LMNB1: variants seen among roughly 807,000 people sequenced by gnomAD.
LMNB1 encodes the protein lamin-B1.
LMNB1 carries 23 observed loss-of-function variants against 67.1 expected under a neutral mutation model. The ratio of observed to expected loss-of-function variants is 0.34; its 90% CI spans 0.25 to 0.49. The LOEUF (loss-of-function observed/expected upper bound fraction) is 0.49. Among genes scored for constraint, LMNB1 ranks in the 20% least tolerant of loss-of-function variants. The probability of loss-of-function intolerance (pLI) is 0.99; values close to 1 mark genes in which losing one functional copy is unlikely to be tolerated. For missense variants in LMNB1, 634 were observed against 746.5 expected (o/e 0.85, Z 1.76); for synonymous variants, 281 against 282.9 (o/e 0.99, Z 0.07).
chr5:126,786,343 G>A (rs1014765265), intron 1 of LMNB1, among the ~76,000 whole-genome samples: 3 of 151,912 alleles, frequency 2.0e-5, no homozygotes, highest in African/African-American at 7.3e-5. Context: ...GGATGGTCTC[G>A]ATCTCCTGAC....
chr5:126,833,304 G>A (rs148583419), intron 10 of LMNB1, among the ~76,000 whole-genome samples: 6 of 149,490 alleles, frequency 4.0e-5, no homozygotes, highest in Non-Finnish European at 7.5e-5. Context: ...TTGAAATAAA[G>A]AAACTCCAAA....
At chr5:126,783,207 AAAAC>A (rs960243115) in intron 1 of LMNB1, among the ~76,000 whole-genome samples, 9 of 151,958 alleles carry the variant, frequency 5.9e-5, no homozygotes, top group African/African-American at 1.7e-4. Context: ...CTCAAAAACA[AAAAC>A]AAACAAACAA....
chr5:126,816,977 G>T (rs1751725723), intron 5 of LMNB1, among the ~76,000 whole-genome samples: 1 of 152,162 alleles, frequency 6.6e-6, no homozygotes, highest in East Asian at 1.9e-4. Context: ...TACCCTCAAG[G>T]GTGAAGGACA....
In LMNB1 at chr5:126,777,432, C is replaced by CGCTTCGCCCCCT; in HGVS notation, c.-74_-63dup. The CGCTTCGCCCCCT allele has an allele frequency of 8.0e-7, 1 of 1,255,192 alleles. No homozygotes were observed. Among genetic ancestry groups the CGCTTCGCCCCCT allele is most frequent in the Non-Finnish European group, 1.0e-6 (1 of 1,002,468 alleles). The allele number at this position is 1,255,192 out of a possible 1,614,324, so 77.8% of individuals were successfully genotyped here. A position where few individuals can be genotyped will look rare whatever the true frequency, so the allele number is the denominator to read the frequency against. ...GTCGCCGGTTTGTGCCTTCGGTCCC[C>CGCTTCGCCCCCT]GCTTCGCCCCCTGCCGTCCCCTCCT... is the stretch of plus-strand genomic sequence containing the variant. On this transcript the variant is annotated 5_prime_UTR_variant, in exon 1 of 11. Coordinates refer to ENST00000261366, the MANE Select transcript of LMNB1 (RefSeq NM_005573.4).
At chr5:126,832,489 G>A (rs1349728149) in intron 9 of LMNB1, among the ~76,000 whole-genome samples, 5 of 151,936 alleles carry the variant, frequency 3.3e-5, no homozygotes, top group African/African-American at 9.7e-5. Flanking sequence ...TAGTAGAGAC[G>A]GGGTTTCACC....
intron 1 of LMNB1, among the ~76,000 whole-genome samples, chr5:126,801,047 G>C (rs552444536): frequency 1.6e-5 from 2 of 122,812 alleles, no homozygotes; most frequent in African/African-American, 6.3e-5. Context: ...GCAGTGGCAC[G>C]ATCAGGGCTC....
At chr5:126,781,834 G>C (rs1181534066) in intron 1 of LMNB1, among the ~76,000 whole-genome samples, 1 of 152,232 alleles carries the variant, frequency 6.6e-6, no homozygotes, top group East Asian at 1.9e-4. Context: ...GAGAATTATA[G>C]ATTCCAGGTT....
chr5:126,786,296 G>T (rs1046515861), intron 1 of LMNB1, among the ~76,000 whole-genome samples: 18 of 151,570 alleles, frequency 1.2e-4, no homozygotes, highest in Admixed American at 9.2e-4. Flanking sequence ...CTAATTTTTT[G>T]TATTTTTTAG....
chr5:126,830,048 T>C (rs1377967821), intron 9 of LMNB1, among the ~76,000 whole-genome samples: 1 of 152,244 alleles, frequency 6.6e-6, no homozygotes, highest in East Asian at 1.9e-4. Context: ...TACTTATATA[T>C]GTAGAGATGC....
chr5:126,790,200 C>T (rs776447329), intron 1 of LMNB1, among the ~76,000 whole-genome samples: 29 of 152,066 alleles, frequency 1.9e-4, no homozygotes, highest in African/African-American at 4.1e-4. Context: ...CCACCTCCCA[C>T]GTTCAAGTGA....
chr5:126,830,427 C>T (rs2126738947), intron 9 of LMNB1, among the ~76,000 whole-genome samples: 1 of 152,260 alleles, frequency 6.6e-6, no homozygotes, highest in South Asian at 2.1e-4. Flanking sequence ...ATCTAAACCT[C>T]CCAACAGCTT....
chr5:126,819,313 A>T (rs941628593), intron 6 of LMNB1, 171 bp downstream of exon 6: 1 of 542,248 alleles, frequency 1.8e-6, no homozygotes, highest in Non-Finnish European at 3.3e-6. Flanking sequence ...ATCGCAGAAA[A>T]TGTTGCTCAA....
At chr5:126,824,003 CA>C (rs1751931316) in intron 8 of LMNB1, among the ~76,000 whole-genome samples, 1 of 152,146 alleles carries the variant, frequency 6.6e-6, no homozygotes, top group African/African-American at 2.4e-5. Flanking sequence ...AGCCTTATGC[CA>C]ATCATGTGCT....
intron 1 of LMNB1, among the ~76,000 whole-genome samples, chr5:126,803,628 C>A (rs768105097): frequency 2.6e-5 from 4 of 151,970 alleles, no homozygotes; most frequent in Non-Finnish European, 5.9e-5. Context: ...CTCACTGCAA[C>A]CTCCACCTCC....
At chr5:126,805,426 T>C (rs1751390957) in intron 2 of LMNB1, 145 bp from the exon 3 acceptor site, 2 of 611,612 alleles carry the variant, frequency 3.3e-6, no homozygotes, top group Non-Finnish European at 5.6e-6. Flanking sequence ...CCCAGTTCTG[T>C]GATAAATGTT....
In LMNB1 at chr5:126,777,696, A is replaced by G; in HGVS notation, c.188A>G (p.Gln63Arg). The G allele has an allele frequency of 6.5e-7, 1 of 1,545,666 alleles. No homozygotes were observed. Among genetic ancestry groups the G allele is most frequent in the Non-Finnish European group, 8.7e-7 (1 of 1,144,950 alleles). Residue 63 changes from glutamine to arginine, a missense_variant, in exon 1 of 11, where the codon CAG (glutamine) becomes CGG (arginine). Transcript: ENST00000261366. ...LETENSALQLQVTEREEVRGR... is the reference protein window; with the variant it reads ...LETENSALQLRVTEREEVRGR... ...ACGGAGAACAGCGCGCTGCAGCTGC[A>G]GGTGACGGAGCGCGAGGAGGTGCGC...
intron 8 of LMNB1, 139 bp downstream of exon 8, chr5:126,823,024 G>A (rs1449738674): frequency 4.8e-6 from 3 of 628,162 alleles, no homozygotes; most frequent in Non-Finnish European, 8.4e-6. Flanking sequence ...CATTACAAGT[G>A]CTATAAAAGA....
chr5:126,832,994 T>C (rs955044773), intron 10 of LMNB1, among the ~76,000 whole-genome samples, 193 bp downstream of exon 10: 1 of 152,196 alleles, frequency 6.6e-6, no homozygotes, highest in African/African-American at 2.4e-5. Flanking sequence ...TTGGCACTTT[T>C]ATTTTTATTT....
intron 6 of LMNB1, 44 bp downstream of exon 6, chr5:126,819,186 C>A: frequency 7.6e-7 from 1 of 1,308,210 alleles, no homozygotes; most frequent in South Asian, 1.3e-5. Flanking sequence ...CCACTTTTTG[C>A]CTCTCACCCT....
Sources: gnomAD v4.1 joint callset for allele counts (sites outside exome capture counted in the v4.1 genomes callset) on GRCh38, gnomAD v4.1.1 for gene constraint, MANE v1.5 for transcripts, NCBI Gene and HGNC (gene_info 2026-07-23, HGNC 2026-07-21) for gene names.